Variants in AIM2 observed in about 807,000 individuals in gnomAD.
AIM2 encodes the protein absent in melanoma 2.
In AIM2, 30 loss-of-function variants were observed where a neutral mutation model predicts 27.7. The observed-to-expected ratio is 1.08, with a 90% confidence interval of 0.81 to 1.47. The LOEUF (loss-of-function observed/expected upper bound fraction) is 1.47. AIM2 is among the 40% of genes most tolerant of loss of function. The pLI is 0.00. For missense variants in AIM2, 358 were observed against 411.3 expected (o/e 0.87, Z 1.12); for synonymous variants, 141 against 145.3 (o/e 0.97, Z 0.21).
intron 1 of AIM2, among the ~76,000 whole-genome samples, chr1:159,096,280 G>A (rs1036056702): frequency 1.3e-5 from 2 of 152,170 alleles, no homozygotes; most frequent in Admixed American, 6.5e-5. Context: ...CTAGCTAGTT[G>A]GCCTTGGGAG....
Position 159,110,395 on chromosome 1 carries a change from A to G in AIM2, c.-16+30036T>C, listed in dbSNP as rs926806057. 3.3e-5 allele frequency among the ~76,000 whole-genome samples: 5 copies of G among 152,240 alleles called. No individual in the cohort carries two copies. The East Asian group carries it at 7.7e-4, about 23-fold the overall frequency. On this transcript the variant is annotated intron_variant, in intron 1 of 2. Transcript: ENST00000368129. The stretch of plus-strand genomic sequence containing the variant: ...GCTATCACCAAACTTTTGGGTGTGC[A>G]GGTTATCTGACCATAGTCAGACTGA...
chr1:159,104,733 A>T (rs1446229784), intron 1 of AIM2, among the ~76,000 whole-genome samples: 1 of 152,238 alleles, frequency 6.6e-6, no homozygotes, highest in East Asian at 1.9e-4. Context: ...GGAAAATTTT[A>T]AATTACACAT....
At chr1:159,094,729 T>C (rs1409213515) in intron 1 of AIM2, among the ~76,000 whole-genome samples, 1 of 152,114 alleles carries the variant, frequency 6.6e-6, no homozygotes, top group Non-Finnish European at 1.5e-5. Context: ...ACAAATCAAA[T>C]GTTCTCACTG....
chr1:159,101,716 C>T (rs912404205), intron 1 of AIM2, among the ~76,000 whole-genome samples: 3 of 152,180 alleles, frequency 2.0e-5, no homozygotes, highest in African/African-American at 4.8e-5. Context: ...GCAAACGTCA[C>T]TCTTGCTACA....
At chr1:159,113,999 G>A (rs1245478692) in intron 1 of AIM2, among the ~76,000 whole-genome samples, 1 of 152,142 alleles carries the variant, frequency 6.6e-6, no homozygotes, top group East Asian at 1.9e-4. Flanking sequence ...TTAGCTTTCT[G>A]TTTCCTTTTT....
upstream of AIM2, among the ~76,000 whole-genome samples, chr1:159,143,578 G>C (rs1031294271): frequency 2.7e-5 from 3 of 112,426 alleles, no homozygotes; most frequent in Non-Finnish European, 5.5e-5. Context: ...CAGGCTCAGT[G>C]TGTACACACA....
chr1:159,064,303 A>C (rs1053875004), intron 4 of AIM2, among the ~76,000 whole-genome samples: 7 of 152,220 alleles, frequency 4.6e-5, no homozygotes, highest in Admixed American at 4.6e-4. Flanking sequence ...GTTGTCTCCT[A>C]TGCCTATCTT....
intron 1 of AIM2, among the ~76,000 whole-genome samples, chr1:159,120,304 CTT>C (rs1647499114): frequency 6.6e-6 from 1 of 152,166 alleles, no homozygotes; most frequent in African/African-American, 2.4e-5. Flanking sequence ...GCAAAAGACA[CTT>C]AATATAATTC....
intron 1 of AIM2, among the ~76,000 whole-genome samples, chr1:159,125,271 T>C (rs1244191299): frequency 1.3e-5 from 2 of 152,204 alleles, no homozygotes; most frequent in African/African-American, 2.4e-5. Flanking sequence ...ACATGCTTTA[T>C]AGAAAAGACC....
chr1:159,127,777 C>T (rs919527713), intron 1 of AIM2, among the ~76,000 whole-genome samples: 2 of 152,132 alleles, frequency 1.3e-5, no homozygotes, highest in Non-Finnish European at 2.9e-5. Context: ...TTGGACTTCC[C>T]AAGGCTGGAT....
chr1:159,142,616 T>G (rs1648136700), upstream of AIM2, among the ~76,000 whole-genome samples: 1 of 152,134 alleles, frequency 6.6e-6, no homozygotes, highest in South Asian at 2.1e-4. Context: ...TGTCTGTGCT[T>G]TTTACAACTA....
chr1:159,096,245 G>C (rs1395311429), intron 1 of AIM2, among the ~76,000 whole-genome samples: 2 of 152,190 alleles, frequency 1.3e-5, no homozygotes, highest in Admixed American at 1.3e-4. Context: ...CATTTTTAAT[G>C]CATCTTCAAA....
intron 1 of AIM2, among the ~76,000 whole-genome samples, chr1:159,091,619 T>TGTAG (rs1467029560): frequency 6.6e-6 from 1 of 152,210 alleles, no homozygotes; most frequent in African/African-American, 2.4e-5. Context: ...GACAGCAATC[T>TGTAG]GTAGGATGGG....
intron 1 of AIM2, among the ~76,000 whole-genome samples, chr1:159,094,031 C>T (rs1345543717): frequency 6.6e-6 from 1 of 151,876 alleles, no homozygotes. Flanking sequence ...TGAGTCACTG[C>T]ACATGGCATA....
intron 1 of AIM2, among the ~76,000 whole-genome samples, chr1:159,115,185 GA>G (rs1318851482): frequency 1.3e-5 from 2 of 152,140 alleles, no homozygotes; most frequent in African/African-American, 4.8e-5. Flanking sequence ...AATAAAAGAG[GA>G]TACAAACAAA....
At chr1:159,111,295 A>C (rs1191730355) in intron 1 of AIM2, among the ~76,000 whole-genome samples, 1 of 152,230 alleles carries the variant, frequency 6.6e-6, no homozygotes, top group African/African-American at 2.4e-5. Flanking sequence ...TTGTTCAAGA[A>C]GGCTAAAATA....
downstream of AIM2, among the ~76,000 whole-genome samples, chr1:159,059,198 G>C (rs1043929101): frequency 6.6e-6 from 1 of 152,032 alleles, no homozygotes; most frequent in Non-Finnish European, 1.5e-5. Flanking sequence ...ATTATAGTAG[G>C]CTTAGATGCC....
At chr1:159,091,295 C>T (rs867054033) in intron 1 of AIM2, among the ~76,000 whole-genome samples, 1 of 152,168 alleles carries the variant, frequency 6.6e-6, no homozygotes, top group African/African-American at 2.4e-5. Context: ...TGTGTCCAAT[C>T]CTATTAATAC....
At chr1:159,111,381 G>A (rs112041383) in intron 1 of AIM2, among the ~76,000 whole-genome samples, 182 of 152,292 alleles carry the variant, frequency 1.2e-3, no homozygotes, top group African/African-American at 4.3e-3. Context: ...TAGTTAGGTG[G>A]TGGTTGCACA....
Sources: gnomAD v4.1 joint callset for allele counts (sites outside exome capture counted in the v4.1 genomes callset) on GRCh38, gnomAD v4.1.1 for gene constraint, MANE v1.5 for transcripts, NCBI Gene and HGNC (gene_info 2026-07-23, HGNC 2026-07-21) for gene names.